ANK2: variants seen among roughly 807,000 people sequenced by gnomAD.
ANK2 encodes ankyrin-2.
In ANK2, 83 loss-of-function variants were observed where a neutral mutation model predicts 360.5. The observed-to-expected ratio is 0.23, with a 90% CI of 0.19 to 0.28. The LOEUF is 0.28. ANK2 is among the 10% of genes least tolerant of loss of function. The pLI is 1.00. For synonymous variants in ANK2, 1,740 were observed against 1,759.5 expected (o/e 0.99, Z 0.28); for missense variants, 4,201 against 4,795.7 (o/e 0.88, Z 3.66).
At chr4:112,906,201 G>C (rs1219938376) in intron 2 of ANK2, among the ~76,000 whole-genome samples, 4 of 152,088 alleles carry the variant, frequency 2.6e-5, no homozygotes, top group African/African-American at 7.2e-5. Context: ...TTGGTAGGGA[G>C]TGTCAAATGT....
At chr4:113,381,401 C>T in intron 45 of ANK2, 56 bp from the exon 46 acceptor site, 1 of 1,601,250 alleles carries the variant, frequency 6.2e-7, no homozygotes, top group Non-Finnish European at 8.6e-7. Flanking sequence ...TCATTCCTAA[C>T]AGCTGCCCTC....
At chr4:112,964,035 A>C (rs556388361) in intron 2 of ANK2, among the ~76,000 whole-genome samples, 1 of 150,776 alleles carries the variant, frequency 6.6e-6, no homozygotes, top group Admixed American at 6.6e-5. Context: ...TGACTTTTTC[A>C]ATTTTTACCA....
At chr4:113,202,134 GA>G (rs1158181162) in intron 4 of ANK2, among the ~76,000 whole-genome samples, 3 of 151,562 alleles carry the variant, frequency 2.0e-5, no homozygotes, top group Admixed American at 6.6e-5. Flanking sequence ...ATTAATAGTT[GA>G]AAAAAAGTAT....
chr4:113,121,452 A>C (rs932457333), intron 1 of ANK2, among the ~76,000 whole-genome samples: 4 of 152,218 alleles, frequency 2.6e-5, no homozygotes, highest in Middle Eastern at 3.2e-3. Flanking sequence ...ATACTGTGAT[A>C]GTAAATTAAA....
chr4:113,041,060 A>G (rs1242871860), intron 2 of ANK2, among the ~76,000 whole-genome samples: 1 of 152,024 alleles, frequency 6.6e-6, no homozygotes, highest in Non-Finnish European at 1.5e-5. Context: ...ACCCCTCATC[A>G]TCATCTCTCT....
At chr4:112,962,478 T>C (rs1444558522) in intron 2 of ANK2, among the ~76,000 whole-genome samples, 1 of 152,198 alleles carries the variant, frequency 6.6e-6, no homozygotes, top group Non-Finnish European at 1.5e-5. Context: ...ATATCTTTGC[T>C]ATTGTGAATA....
At chr4:113,209,486 A>G (rs1181662667) in intron 4 of ANK2, among the ~76,000 whole-genome samples, 2 of 151,940 alleles carry the variant, frequency 1.3e-5, no homozygotes, top group African/African-American at 4.9e-5. Flanking sequence ...TCAAAGAAGA[A>G]TATTTGTTAT....
chr4:112,871,117 GT>G (rs1580161756), intron 1 of ANK2, among the ~76,000 whole-genome samples: 1 of 151,798 alleles, frequency 6.6e-6, no homozygotes, highest in Admixed American at 6.5e-5. Context: ...ACTGCAAAGT[GT>G]TTAAGAATAG....
chr4:113,316,625 CT>C, intron 24 of ANK2, among the ~76,000 whole-genome samples: 1 of 152,168 alleles, frequency 6.6e-6, no homozygotes, highest in Non-Finnish European at 1.5e-5. Context: ...TGCGTATCTC[CT>C]TTTTTTCCCT....
At chr4:112,915,791 AT>A (rs1302116466) in intron 2 of ANK2, among the ~76,000 whole-genome samples, 4 of 151,038 alleles carry the variant, frequency 2.6e-5, no homozygotes, top group African/African-American at 9.7e-5. Flanking sequence ...TAATAAATAC[AT>A]TTTTTTCAAT....
chr4:113,244,604 A>G (rs1413043637), intron 9 of ANK2, among the ~76,000 whole-genome samples: 2 of 152,248 alleles, frequency 1.3e-5, no homozygotes, highest in East Asian at 1.9e-4. Flanking sequence ...ACAATATTGA[A>G]TGGTTGCACT....
At chr4:112,999,205 G>C (rs866292035) in intron 2 of ANK2, among the ~76,000 whole-genome samples, 8 of 152,108 alleles carry the variant, frequency 5.3e-5, no homozygotes, top group Admixed American at 2.0e-4. Context: ...TCGTGATTGA[G>C]AATATTTTAC....
chr4:113,271,479 G>GACACAC (rs3059950), intron 14 of ANK2, among the ~76,000 whole-genome samples: 20,816 of 150,180 alleles, frequency 0.14, 1,487 homozygotes, highest in Non-Finnish European at 0.15. Flanking sequence ...TGCACGCACA[G>GACACAC]ACACACACAC....
chr4:113,302,539 A>G (rs2075488977), intron 22 of ANK2, among the ~76,000 whole-genome samples: 1 of 152,240 alleles, frequency 6.6e-6, no homozygotes, highest in African/African-American at 2.4e-5. Flanking sequence ...ACTCAAAATA[A>G]TGAACTGTCT....
chr4:112,744,416 G>T, the ANK2 span, among the ~76,000 whole-genome samples: 1 of 146,294 alleles, frequency 6.8e-6, no homozygotes, highest in Non-Finnish European at 1.5e-5. Flanking sequence ...GCACGACCTC[G>T]GCTCACTGTA....
chr4:112,868,003 A>G (rs1375230900), intron 1 of ANK2, among the ~76,000 whole-genome samples: 1 of 152,132 alleles, frequency 6.6e-6, no homozygotes, highest in African/African-American at 2.4e-5. Context: ...AGGCTATACC[A>G]TTTTACATTT....
intron 1 of ANK2, among the ~76,000 whole-genome samples, chr4:113,109,812 C>T (rs567327132): frequency 6.6e-6 from 1 of 152,212 alleles, no homozygotes; most frequent in East Asian, 1.9e-4. Flanking sequence ...TACCTGGCTC[C>T]TATTAGCTGG....
At chr4:112,858,866 CTT>C (rs2067126408) in intron 1 of ANK2, among the ~76,000 whole-genome samples, 1 of 152,126 alleles carries the variant, frequency 6.6e-6, no homozygotes, top group Non-Finnish European at 1.5e-5. Context: ...TTCTTAGTAG[CTT>C]TTATTGGTTA....
intron 1 of ANK2, among the ~76,000 whole-genome samples, chr4:113,100,762 T>C (rs2092696255): frequency 6.6e-6 from 1 of 152,152 alleles, no homozygotes; most frequent in African/African-American, 2.4e-5. Flanking sequence ...TAAACTGTGA[T>C]ATTACAGTTT....
Sources: allele counts gnomAD v4.1 joint callset (sites outside exome capture counted in the v4.1 genomes callset), GRCh38; gene constraint gnomAD v4.1.1; transcripts MANE v1.5; gene names NCBI Gene and HGNC (gene_info 2026-07-23, HGNC 2026-07-21).